The following PLCB1 variants were observed in gnomAD, a reference collection of about 807,000 sequenced individuals.
PLCB1 encodes 1-phosphatidylinositol 4,5-bisphosphate phosphodiesterase beta-1.
Under a neutral mutation model 161.8 loss-of-function variants are expected in PLCB1, and 46 were observed. That is an observed-to-expected ratio of 0.28 (90% confidence interval 0.22 to 0.36). The LOEUF is 0.36. Ranked by LOEUF, PLCB1 falls within the 10% of genes least tolerant of loss-of-function variation. The pLI, the probability that PLCB1 is intolerant of heterozygous loss-of-function variation, is 1.00. For synonymous variants in PLCB1, 517 were observed against 503.7 expected, an observed-to-expected ratio of 1.03 and a Z score of -0.35; for missense variants, 1,016 against 1,472.5, an observed-to-expected ratio of 0.69 and a Z score of 5.07.
chr20:8,659,560 T>G (rs1395820925), intron 9 of PLCB1, among the ~76,000 whole-genome samples: 1 of 152,138 alleles, frequency 6.6e-6, no homozygotes, highest in African/African-American at 2.4e-5. Flanking sequence ...TATGCAGGCA[T>G]TTTCTAAAGT....
At chr20:8,636,600 C>G (rs901401172) in intron 4 of PLCB1, among the ~76,000 whole-genome samples, 1 of 152,168 alleles carries the variant, frequency 6.6e-6, no homozygotes, top group African/African-American at 2.4e-5. Context: ...CAGTCTCTCC[C>G]TTACACACAC....
intron 3 of PLCB1, among the ~76,000 whole-genome samples, chr20:8,611,213 G>GA (rs1987894921): frequency 6.6e-6 from 1 of 151,856 alleles, no homozygotes; most frequent in Non-Finnish European, 1.5e-5. Flanking sequence ...CTATTTTAAG[G>GA]AAAAAAATAT....
intron 3 of PLCB1, among the ~76,000 whole-genome samples, chr20:8,595,819 T>A (rs10460660): frequency 3.7e-5 from 5 of 135,930 alleles, no homozygotes; most frequent in African/African-American, 1.4e-4. Flanking sequence ...GGTATCTCAT[T>A]GTGGTTTTGA....
intron 2 of PLCB1, among the ~76,000 whole-genome samples, chr20:8,208,929 A>G (rs1008008529): frequency 1.3e-5 from 2 of 152,202 alleles, no homozygotes; most frequent in Non-Finnish European, 2.9e-5. Context: ...GTTCTGAATG[A>G]TATTAAAATT....
At chr20:8,802,086 A>G in intron 31 of PLCB1, 1 of 1,612,294 alleles carries the variant, frequency 6.2e-7, no homozygotes, top group Non-Finnish European at 8.5e-7. Context: ...CTTGTCGGAA[A>G]CTTGCCATGA....
intron 13 of PLCB1, among the ~76,000 whole-genome samples, chr20:8,717,325 A>C (rs912476971): frequency 6.6e-6 from 1 of 152,204 alleles, no homozygotes; most frequent in African/African-American, 2.4e-5. Context: ...TCCTTCAAAA[A>C]TTCAGGCCAG....
At chr20:8,218,379 C>T (rs1979238611) in intron 2 of PLCB1, among the ~76,000 whole-genome samples, 1 of 152,064 alleles carries the variant, frequency 6.6e-6, no homozygotes, top group Non-Finnish European at 1.5e-5. Flanking sequence ...ATATAACAAA[C>T]TTGCCTCTTT....
intron 3 of PLCB1, among the ~76,000 whole-genome samples, chr20:8,520,715 A>C (rs1984314726): frequency 6.6e-6 from 1 of 152,054 alleles, no homozygotes; most frequent in Non-Finnish European, 1.5e-5. Flanking sequence ...GGTATAAATA[A>C]CTTTTATTTC....
chr20:8,244,576 G>A (rs1205316592), intron 2 of PLCB1, among the ~76,000 whole-genome samples: 1 of 151,788 alleles, frequency 6.6e-6, no homozygotes, highest in African/African-American at 2.4e-5. Context: ...CTCTCTTCCT[G>A]GGGAGGGTTT....
chr20:8,492,792 G>A (rs546818709), intron 3 of PLCB1, among the ~76,000 whole-genome samples: 1 of 148,824 alleles, frequency 6.7e-6, no homozygotes, highest in African/African-American at 2.5e-5. Context: ...GTTATGAACT[G>A]GTAAATTTGT....
At position 8,565,049 on chromosome 20, in the gene PLCB1, A is replaced by G. The variant is rs1470878758; in HGVS notation, c.247-63245A>G. 2.6e-5 allele frequency among the ~76,000 whole-genome samples: 4 copies of G among 152,158 alleles called. 1 individual carries two copies. The South Asian group carries it at 6.2e-4, about 24-fold the overall frequency. ...AGACACATGCACATGTATGTTTATT[A>G]CGGCAGTGTTCACAATAGCAAAGAC... is the stretch of plus-strand genomic sequence containing the variant. On this transcript the variant is annotated intron_variant, in intron 3 of 31. Coordinates refer to ENST00000338037, the MANE Select transcript of PLCB1 (RefSeq NM_015192.4).
chr20:8,694,931 G>T (rs1264087506), intron 10 of PLCB1, among the ~76,000 whole-genome samples: 2 of 152,100 alleles, frequency 1.3e-5, no homozygotes, highest in Non-Finnish European at 2.9e-5. Flanking sequence ...TTTAAGTTTA[G>T]AAATAACATA....
At chr20:8,839,680 G>A (rs1453628495) in intron 31 of PLCB1, among the ~76,000 whole-genome samples, 2 of 150,982 alleles carry the variant, frequency 1.3e-5, no homozygotes, top group African/African-American at 4.9e-5. Flanking sequence ...ATCGCAGCAT[G>A]CTAGAAAGCC....
At chr20:8,853,174 T>C (rs565104498) in intron 31 of PLCB1, among the ~76,000 whole-genome samples, 46 of 152,324 alleles carry the variant, frequency 3.0e-4, no homozygotes, top group African/African-American at 1.1e-3. Flanking sequence ...ATAAATCCAA[T>C]AGTATGCTCA....
chr20:8,189,749 G>A (rs538718825), intron 2 of PLCB1, among the ~76,000 whole-genome samples: 1 of 152,164 alleles, frequency 6.6e-6, no homozygotes, highest in East Asian at 1.9e-4. Context: ...TATTCACAGT[G>A]AGATTCATCC....
intron 29 of PLCB1, 150 bp downstream of exon 29, chr20:8,788,872 T>G (rs1387036923): frequency 1.6e-6 from 1 of 612,368 alleles, no homozygotes; most frequent in Non-Finnish European, 2.9e-6. Flanking sequence ...GGTAAGGTTT[T>G]TAACAGGGAA....
chr20:8,775,316 G>T lies in PLCB1; in HGVS notation c.3111+597G>T, dbSNP rs1263279548. ...TTCTCTCCATTTTTGTTGATTCCTT[G>T]ATACATAGTAGGGACACAATAAATA... On this transcript the variant is annotated intron_variant, in intron 27 of 31. Transcript: ENST00000338037. Among the ~76,000 whole-genome samples the T allele has an allele frequency of 2.0e-5, 3 of 152,094 alleles. No individual in the cohort carries two copies. In the East Asian group the frequency reaches 5.8e-4, roughly 29 times the overall value.
In PLCB1 at chr20:8,776,139, G is replaced by A. The variant is rs8124751; in HGVS notation, c.3111+1420G>A. Among the ~76,000 whole-genome samples the A allele has an allele frequency of 5.3e-3, 809 of 152,218 alleles. 11 individuals carry two copies. Among genetic ancestry groups the A allele is most frequent in the African/African-American group, 0.017 (722 of 41,518 alleles). On this transcript the variant is annotated intron_variant, in intron 27 of 31. Coordinates refer to ENST00000338037, the MANE Select transcript of PLCB1 (RefSeq NM_015192.4). ...CATAATAAAAATTAAAATAGTGGCC[G>A]CATATTAAGCATTCACCATGGGGCT... is the stretch of plus-strand genomic sequence containing the variant.
intron 2 of PLCB1, among the ~76,000 whole-genome samples, chr20:8,317,471 C>T (rs1398990753): frequency 6.6e-6 from 1 of 152,110 alleles, no homozygotes; most frequent in African/African-American, 2.4e-5. Context: ...GAGTGTTTGG[C>T]ACAAGCTAGT....
Sources: gnomAD v4.1 joint callset for allele counts (sites outside exome capture counted in the v4.1 genomes callset) on GRCh38, gnomAD v4.1.1 for gene constraint, MANE v1.5 for transcripts, NCBI Gene and HGNC (gene_info 2026-07-23, HGNC 2026-07-21) for gene names.